Variants in CCDC68 observed in about 807,000 individuals in gnomAD.
CCDC68 encodes coiled-coil domain-containing protein 68.
Under a neutral mutation model 47.1 loss-of-function variants are expected in CCDC68, and 45 were observed. That is an observed-to-expected ratio of 0.96 (90% CI 0.75 to 1.23). The LOEUF is 1.23. Among genes scored for constraint, CCDC68 ranks in the 50% most tolerant of loss-of-function variants. CCDC68 has a pLI of 0.00. For synonymous variants in CCDC68, 131 were observed against 129.5 expected, an observed-to-expected ratio of 1.01 and a Z score of -0.08; for missense variants, 353 against 373.6, an observed-to-expected ratio of 0.94 and a Z score of 0.45.
intron 11 of CCDC68, among the ~76,000 whole-genome samples, chr18:54,906,461 C>T (rs563161640): frequency 1.2e-4 from 18 of 152,280 alleles, no homozygotes; most frequent in African/African-American, 4.1e-4. Flanking sequence ...GCCAGAGTCT[C>T]AGCATTCAAT....
At chr18:54,935,165 A>C (rs527851217) in intron 6 of CCDC68, among the ~76,000 whole-genome samples, 9 of 152,332 alleles carry the variant, frequency 5.9e-5, no homozygotes, top group Middle Eastern at 3.4e-3. Context: ...TTCTTCCTAG[A>C]ATGTTTCCAT....
chr18:54,943,023 T>G (rs2044464291), intron 2 of CCDC68: 2 of 342,352 alleles, frequency 5.8e-6, no homozygotes, highest in African/African-American at 4.4e-5. Context: ...ATTTAAATAA[T>G]CTAAAAAGGT....
intron 11 of CCDC68, among the ~76,000 whole-genome samples, chr18:54,905,380 AG>A: frequency 3.2e-5 from 4 of 124,894 alleles, no homozygotes; most frequent in Admixed American, 2.5e-4. Context: ...GAAAGAAAGG[AG>A]AGGGAAGAGG....
chr18:54,953,875 C>A (rs866700856), intron 1 of CCDC68, among the ~76,000 whole-genome samples: 45 of 152,144 alleles, frequency 3.0e-4, no homozygotes, highest in Middle Eastern at 3.4e-3. Flanking sequence ...TCTAGATGCA[C>A]AATATGTTTT....
At chr18:54,929,363 C>T (rs977346545) in intron 7 of CCDC68, among the ~76,000 whole-genome samples, 1 of 152,084 alleles carries the variant, frequency 6.6e-6, no homozygotes, top group Non-Finnish European at 1.5e-5. Flanking sequence ...AGGATCAAGG[C>T]CACAAAGGAT....
At chr18:54,956,147 G>A (rs539706732) in intron 1 of CCDC68, among the ~76,000 whole-genome samples, 5 of 152,100 alleles carry the variant, frequency 3.3e-5, no homozygotes, top group Middle Eastern at 3.4e-3. Context: ...ATGCCACCAC[G>A]CCCAGGTGAT....
At chr18:54,928,740 A>G (rs1383465574) in intron 8 of CCDC68, 60 bp downstream of exon 8, 19 of 1,041,286 alleles carry the variant, frequency 1.8e-5, no homozygotes, top group Non-Finnish European at 2.7e-5. Flanking sequence ...CCTGGCTGGC[A>G]TACCAGTGGA....
At chr18:54,935,243 A>G (rs2044324616) in intron 6 of CCDC68, among the ~76,000 whole-genome samples, 1 of 152,220 alleles carries the variant, frequency 6.6e-6, no homozygotes, top group African/African-American at 2.4e-5. Context: ...CGAAAGCAAC[A>G]TTTTTGACTT....
intron 7 of CCDC68, among the ~76,000 whole-genome samples, chr18:54,930,212 A>T (rs2044218471): frequency 6.6e-6 from 1 of 152,158 alleles, no homozygotes; most frequent in Non-Finnish European, 1.5e-5. Context: ...TTTTATTTAA[A>T]CCAGCTTTCT....
intron 10 of CCDC68, among the ~76,000 whole-genome samples, chr18:54,912,586 G>A (rs563335396): frequency 6.6e-6 from 1 of 152,162 alleles, no homozygotes; most frequent in East Asian, 1.9e-4. Flanking sequence ...TTATAACCAG[G>A]TGTTTAAAAA....
chr18:54,915,394 AAATG>A (rs2043927965), intron 10 of CCDC68, among the ~76,000 whole-genome samples: 1 of 152,254 alleles, frequency 6.6e-6, no homozygotes, highest in African/African-American at 2.4e-5. Context: ...TGATGTGGAA[AAATG>A]AATGAAAGTT....
rs949090104 is a variant in CCDC68, at chr18:54,957,227, C to A, written c.-103+2109G>T. ...ACATGATTCCTAAGTTCTTCCCCAA[C>A]CTAAACAAAAGAGAAAACCACTGAG... On this transcript the variant is annotated intron_variant, in intron 1 of 11. Transcript: ENST00000591504. 3.3e-5 allele frequency among the ~76,000 whole-genome samples: 5 copies of A among 152,272 alleles called. No homozygotes were observed. In the East Asian group the frequency reaches 9.6e-4, roughly 29 times the overall value.
intron 1 of CCDC68, 131 bp downstream of exon 1, chr18:54,959,205 C>T (rs2044760840): frequency 6.6e-6 from 1 of 152,366 alleles, no homozygotes; most frequent in East Asian, 1.9e-4. Context: ...GACCCTTTTA[C>T]AGGAAATGTC....
intron 1 of CCDC68, chr18:54,954,628 G>A (rs900099693): frequency 6.6e-6 from 1 of 152,154 alleles, no homozygotes; most frequent in Admixed American, 6.5e-5. Context: ...GAATGTCTCT[G>A]CCCTGATCCT....
chr18:54,914,926 GTTTA>G (rs1468758069), intron 10 of CCDC68, among the ~76,000 whole-genome samples: 2 of 152,172 alleles, frequency 1.3e-5, no homozygotes, highest in Non-Finnish European at 2.9e-5. Flanking sequence ...TAAGTTGTCA[GTTTA>G]TTTAGGAAGA....
chr18:54,949,996 T>C (rs2044587459), intron 1 of CCDC68, among the ~76,000 whole-genome samples: 1 of 152,170 alleles, frequency 6.6e-6, no homozygotes, highest in Non-Finnish European at 1.5e-5. Flanking sequence ...CACAACCTGA[T>C]TTCACCGGTG....
rs778523997 is a variant in CCDC68, at chr18:54,942,784, G to A, written c.8C>T (p.Thr3Ile). 3.8e-6 allele frequency: 6 copies of A among 1,595,898 alleles called. No individual in the cohort carries two copies. The highest frequency in any genetic ancestry group is 3.4e-6 in the Non-Finnish European group (4 of 1,164,720). The change falls in exon 3 of 12, where the codon ACA becomes ATA. Residue 3 changes from threonine to isoleucine, a missense_variant. Physicochemically the swap from Thr to Ile is moderately conservative, Grantham distance 89 (BLOSUM62 -1). Coordinates refer to ENST00000591504, the MANE Select transcript of CCDC68 (RefSeq NM_025214.3). Reference sequence around the variant, plus strand: ...GGGAATTTCTGTGGTCACTGTCACTGTTGTCATTGTGAATTCTGGCTTTAG... The same window carrying A: ...GGGAATTTCTGTGGTCACTGTCACTATTGTCATTGTGAATTCTGGCTTTAG... Reference protein sequence around the residue: MTTVTVTTEIPPR... With the variant: MTIVTVTTEIPPR...
At chr18:54,906,143 C>T (rs994413777) in intron 11 of CCDC68, among the ~76,000 whole-genome samples, 10 of 149,550 alleles carry the variant, frequency 6.7e-5, no homozygotes, top group Non-Finnish European at 1.3e-4. Context: ...CTATCCTCTC[C>T]ACCCTGGTCC....
intron 7 of CCDC68, among the ~76,000 whole-genome samples, chr18:54,929,938 A>C (rs2044214633): frequency 6.6e-6 from 1 of 152,238 alleles, no homozygotes; most frequent in African/African-American, 2.4e-5. Flanking sequence ...GTCATCATTT[A>C]ATCATCTGAC....
Sources: gnomAD v4.1 joint callset for allele counts (sites outside exome capture counted in the v4.1 genomes callset) on GRCh38, gnomAD v4.1.1 for gene constraint, MANE v1.5 for transcripts, NCBI Gene and HGNC (gene_info 2026-07-23, HGNC 2026-07-21) for gene names.